Variants in ELMO1 observed in about 807,000 individuals in gnomAD.
ELMO1 encodes the protein engulfment and cell motility 1, also known as engulfment and cell motility protein 1.
In ELMO1, 26 loss-of-function variants were observed where a neutral mutation model predicts 98.9. The observed-to-expected ratio is 0.26, with a 90% CI of 0.19 to 0.36. ELMO1 has a LOEUF of 0.36. Ranked by LOEUF, ELMO1 falls within the 10% of genes least tolerant of loss-of-function variation. ELMO1 has a pLI of 1.00. For synonymous variants in ELMO1, 346 were observed against 346.0 expected, an observed-to-expected ratio of 1.00 and a Z score of 0.00; for missense variants, 627 against 935.2, an observed-to-expected ratio of 0.67 and a Z score of 4.30.
intron 5 of ELMO1, chr7:37,271,466 TG>T: frequency 9.6e-6 from 2 of 207,612 alleles, no homozygotes; most frequent in Non-Finnish European, 1.9e-5. Flanking sequence ...TTGGCTTCCC[TG>T]GGCCACAGGA....
At chr7:37,013,237 C>T (rs1049254663) in intron 16 of ELMO1, 62 bp downstream of exon 16, 3 of 1,594,108 alleles carry the variant, frequency 1.9e-6, no homozygotes, top group Admixed American at 3.4e-5. Context: ...AGCCAAGGGA[C>T]CATGCAGCAG....
At chr7:37,088,619 G>GA (rs2129244892) in intron 15 of ELMO1, among the ~76,000 whole-genome samples, 1 of 152,262 alleles carries the variant, frequency 6.6e-6, no homozygotes, top group Non-Finnish European at 1.5e-5. Flanking sequence ...GGGGCAAGAT[G>GA]AAGGTTAACC....
At chr7:37,184,299 G>T (rs1791062440) in intron 13 of ELMO1, among the ~76,000 whole-genome samples, 1 of 152,170 alleles carries the variant, frequency 6.6e-6, no homozygotes, top group African/African-American at 2.4e-5. Flanking sequence ...TACAAGTCTG[G>T]TCTTAGTGAG....
chr7:37,234,111 A>T (rs1388598451), intron 7 of ELMO1, among the ~76,000 whole-genome samples: 2 of 152,212 alleles, frequency 1.3e-5, no homozygotes, highest in African/African-American at 4.8e-5. Flanking sequence ...ATAAGTATTA[A>T]CACCTTTATG....
rs1047207167 is a variant in ELMO1 at position 37,442,834 on chromosome 7, G to A, written c.-74+5841C>T. 7.2e-5 allele frequency among the ~76,000 whole-genome samples: 11 copies of A among 152,180 alleles called. No individual in the cohort carries two copies. In the East Asian group the frequency reaches 2.1e-3, roughly 29 times the overall value. ...GCAGCATAGCTCCACATGGCATCCT[G>A]GCCTCAGAGGCTGGCAAGTCCAGTG... On this transcript the variant is annotated intron_variant, in intron 1 of 21. Transcript: ENST00000310758.
At chr7:37,106,619 G>A (rs1784959771) in intron 14 of ELMO1, among the ~76,000 whole-genome samples, 1 of 149,536 alleles carries the variant, frequency 6.7e-6, no homozygotes, top group South Asian at 2.1e-4. Flanking sequence ...CACTACAGGT[G>A]TTGAAATGGC....
intron 15 of ELMO1, among the ~76,000 whole-genome samples, chr7:37,075,239 C>T (rs1373761418): frequency 8.6e-5 from 13 of 150,736 alleles, no homozygotes; most frequent in Middle Eastern, 3.4e-3. Context: ...CTCTGCCTCC[C>T]GGGTTCATGC....
chr7:36,923,918 T>C (rs1785336187), intron 16 of ELMO1, among the ~76,000 whole-genome samples: 1 of 152,124 alleles, frequency 6.6e-6, no homozygotes, highest in Admixed American at 6.5e-5. Context: ...CTGAAAGTGG[T>C]TCTATACGTG....
At chr7:37,431,328 C>T (rs1647793) in intron 1 of ELMO1, among the ~76,000 whole-genome samples, 50,722 of 141,880 alleles carry the variant, frequency 0.36, 9,520 homozygotes, top group Non-Finnish European at 0.45. Context: ...CAGAGCAAGA[C>T]CCTGTCTCTA....
At chr7:36,868,936 C>G (rs969351670) in intron 20 of ELMO1, among the ~76,000 whole-genome samples, 3 of 152,174 alleles carry the variant, frequency 2.0e-5, no homozygotes, top group Admixed American at 2.0e-4. Context: ...AGAGCCCGTG[C>G]TCTCCGAGAT....
intron 15 of ELMO1, among the ~76,000 whole-genome samples, chr7:37,015,515 C>T (rs1056420587): frequency 2.0e-5 from 3 of 152,100 alleles, no homozygotes; most frequent in South Asian, 2.1e-4. Context: ...ACAGGAGAAT[C>T]GCTTGAATCC....
intron 1 of ELMO1, among the ~76,000 whole-genome samples, chr7:37,344,157 G>A (rs774793976): frequency 1.5e-4 from 23 of 149,946 alleles, no homozygotes; most frequent in African/African-American, 2.5e-4. Context: ...TCAGCTTCCC[G>A]AGTAGCTGGG....
chr7:37,365,537 T>C (rs565945301), intron 1 of ELMO1, among the ~76,000 whole-genome samples: 4 of 152,282 alleles, frequency 2.6e-5, no homozygotes, highest in African/African-American at 9.6e-5. Context: ...AAGCACCAGC[T>C]CTCAAACACC....
intron 1 of ELMO1, among the ~76,000 whole-genome samples, chr7:37,439,553 G>GTAAT (rs1359779218): frequency 1.3e-5 from 2 of 152,344 alleles, no homozygotes; most frequent in African/African-American, 4.8e-5. Flanking sequence ...CAAAGTGGCT[G>GTAAT]TTGACTGACT....
chr7:37,292,709 C>G (rs1202841810), intron 4 of ELMO1, among the ~76,000 whole-genome samples: 1 of 57,750 alleles, frequency 1.7e-5, no homozygotes, highest in Non-Finnish European at 3.9e-5. Context: ...CGTCTCCGCC[C>G]GGCAGCCGCC....
intron 20 of ELMO1, among the ~76,000 whole-genome samples, chr7:36,864,720 G>A (rs1174474559): frequency 6.6e-6 from 1 of 152,216 alleles, no homozygotes; most frequent in Non-Finnish European, 1.5e-5. Context: ...CCCCCTCAGG[G>A]CCTACTTGCC....
chr7:37,314,090 T>C (rs991177031), intron 4 of ELMO1, among the ~76,000 whole-genome samples: 7 of 152,218 alleles, frequency 4.6e-5, no homozygotes, highest in African/African-American at 1.7e-4. Context: ...AAGTCTAAAC[T>C]TGCTTCTTGT....
At chr7:37,107,619 C>G (rs1785023691) in intron 14 of ELMO1, among the ~76,000 whole-genome samples, 1 of 152,154 alleles carries the variant, frequency 6.6e-6, no homozygotes, top group Non-Finnish European at 1.5e-5. Context: ...TGCAAAGATA[C>G]CAAGAGGTTT....
intron 13 of ELMO1, among the ~76,000 whole-genome samples, chr7:37,139,745 G>A (rs926555695): frequency 6.6e-6 from 1 of 151,982 alleles, no homozygotes; most frequent in Non-Finnish European, 1.5e-5. Flanking sequence ...CCAAAAAAGA[G>A]CCCACAGAGC....
Sources: gnomAD v4.1 joint callset for allele counts (sites outside exome capture counted in the v4.1 genomes callset) on GRCh38, gnomAD v4.1.1 for gene constraint, MANE v1.5 for transcripts, NCBI Gene and HGNC (gene_info 2026-07-23, HGNC 2026-07-21) for gene names.